The following ASAH2 variants were observed in gnomAD, a reference collection of about 807,000 sequenced individuals.
ASAH2 encodes the protein neutral ceramidase.
Under a neutral mutation model 82.9 loss-of-function variants are expected in ASAH2, and 58 were observed. That is an observed-to-expected ratio of 0.70 (90% confidence interval 0.57 to 0.87). The LOEUF is 0.87. Among genes scored for constraint, ASAH2 ranks in the 40% least tolerant of loss-of-function variants. ASAH2 has a pLI of 0.00. For missense variants in ASAH2, 779 were observed against 834.0 expected, an observed-to-expected ratio of 0.93 and a Z score of 0.81; for synonymous variants, 276 against 289.7, an observed-to-expected ratio of 0.95 and a Z score of 0.48.
chr10:50,237,773 T>A (rs1291659224), intron 4 of ASAH2, among the ~76,000 whole-genome samples: 1 of 152,216 alleles, frequency 6.6e-6, no homozygotes, highest in African/African-American at 2.4e-5. Context: ...GGTATCATTG[T>A]GTCTTTTTTG....
chr10:50,218,718 G>A (rs1446044614), intron 7 of ASAH2, 88 bp from the exon 8 acceptor site: 1 of 1,485,556 alleles, frequency 6.7e-7, no homozygotes, highest in Non-Finnish European at 9.4e-7. Flanking sequence ...GTTTTCTCCA[G>A]CAGGAAAAAA....
rs1170862527 is a variant in ASAH2, at chr10:50,201,675, A to T, written c.1761+1154T>A. On this transcript the variant is annotated intron_variant, in intron 16 of 20. Coordinates refer to ENST00000682911, the MANE Select transcript of ASAH2 (RefSeq NM_019893.4). Reference sequence around the variant, plus strand: ...TCCTTTGGCAGCATGTTGAGACCTAAGGACCTCCCTCAGAATAATGTTTCT... The same window carrying T: ...TCCTTTGGCAGCATGTTGAGACCTATGGACCTCCCTCAGAATAATGTTTCT... Among the ~76,000 whole-genome samples the T allele has an allele frequency of 8.5e-5, 13 of 152,252 alleles. No homozygotes were observed. In the East Asian group the frequency reaches 2.5e-3, roughly 29 times the overall value.
Position 50,204,627 on chromosome 10 carries a change from TA to T in ASAH2, c.1625+233del, listed in dbSNP as rs1250874640. ...CTCATGGCATCATTTTAATTTGGGA[TA>T]AGTTTTTTTTAATTTTCATGTCTGC... On this transcript the variant is annotated intron_variant, in intron 14 of 20. Transcript: ENST00000682911. Among the ~76,000 whole-genome samples the T allele has an allele frequency of 6.7e-3, 1,022 of 152,104 alleles. 13 individuals carry two copies. Among genetic ancestry groups the T allele is most frequent in the African/African-American group, 0.023 (973 of 41,534 alleles).
intron 18 of ASAH2, among the ~76,000 whole-genome samples, chr10:50,194,985 G>GTT (rs1413556011): frequency 1.4e-5 from 2 of 142,522 alleles, no homozygotes; most frequent in Admixed American, 7.1e-5. Flanking sequence ...TGTAGGCGAT[G>GTT]TTTTTTTTTT....
chr10:50,214,983 C>T, intron 8 of ASAH2, 115 bp from the exon 9 acceptor site: 1 of 1,316,532 alleles, frequency 7.6e-7, no homozygotes, highest in Non-Finnish European at 1.1e-6. Flanking sequence ...CATTTGCAGG[C>T]AATAAAAAGA....
Position 50,248,650 on chromosome 10 carries a change from A to C in ASAH2, c.-36-4T>G. Reference sequence around the variant, plus strand: ...AGCAGAGATGGAAGAAGAAATACTGAAGAGGAAGAAATCACAAATTAAAAT... The same window carrying C: ...AGCAGAGATGGAAGAAGAAATACTGCAGAGGAAGAAATCACAAATTAAAAT... On this transcript the variant is annotated splice_polypyrimidine_tract_variant and splice_region_variant and intron_variant, in intron 1 of 20. Transcript: ENST00000682911. 4 of 1,589,228 alleles carry C rather than the reference A, an allele frequency of 2.5e-6. No homozygotes were observed. Among genetic ancestry groups the C allele is most frequent in the Non-Finnish European group, 3.4e-6 (4 of 1,166,690 alleles).
Position 50,248,676 on chromosome 10 carries a change from G to T in ASAH2, c.-36-30C>A. Reference sequence around the variant, plus strand: ...AGAGGAAGAAATCACAAATTAAAATGCAAATGCTTTAAGCCAACCGAGGTT... The same window carrying T: ...AGAGGAAGAAATCACAAATTAAAATTCAAATGCTTTAAGCCAACCGAGGTT... On this transcript the variant is annotated intron_variant, in intron 1 of 20. Transcript: ENST00000682911. 5 of 1,533,132 alleles carry T rather than the reference G, an allele frequency of 3.3e-6. No homozygotes were observed. In the South Asian group the frequency reaches 4.8e-5, roughly 15 times the overall value. The allele number at this position is 1,533,132 out of a possible 1,614,324, so 95.0% of individuals were successfully genotyped here. A position where few individuals can be genotyped will look rare whatever the true frequency, so the allele number is the denominator to read the frequency against.
intron 7 of ASAH2, among the ~76,000 whole-genome samples, chr10:50,225,689 G>A (rs1845864305): frequency 6.6e-6 from 1 of 152,118 alleles, no homozygotes; most frequent in Non-Finnish European, 1.5e-5. Context: ...GGGGTGTTGG[G>A]CAATTTATAG....
At chr10:50,213,164 C>G (rs1845506567) in intron 9 of ASAH2, 106 bp from the exon 10 acceptor site, 1 of 1,041,740 alleles carries the variant, frequency 9.6e-7, no homozygotes, top group African/African-American at 1.6e-5. Flanking sequence ...AAACCACATT[C>G]TTGCATTTCT....
intron 12 of ASAH2, among the ~76,000 whole-genome samples, chr10:50,210,361 G>A (rs1033107036): frequency 0.033 from 5,010 of 152,116 alleles, 152 homozygotes; most frequent in Middle Eastern, 0.13. Context: ...TTAGCCAAGC[G>A]TGGTGGCAGG....
Position 50,210,809 on chromosome 10 carries a change from G to T in ASAH2, c.1414+14C>A. On this transcript the variant is annotated intron_variant, in intron 12 of 20. Transcript: ENST00000682911. The stretch of plus-strand genomic sequence containing the variant: ...AGAAGCTGAAACCATAGATTTTACT[G>T]GACTTCACCTTACCCTGTGTAAAAT... 6.3e-7 allele frequency: 1 copy of T among 1,593,588 alleles called. No individual in the cohort carries two copies. The highest frequency in any genetic ancestry group is 8.6e-7 in the Non-Finnish European group (1 of 1,161,300).
intron 12 of ASAH2, among the ~76,000 whole-genome samples, chr10:50,207,375 T>C (rs2133204095): frequency 6.6e-6 from 1 of 151,800 alleles, no homozygotes; most frequent in African/African-American, 2.4e-5. Context: ...GAAAAATCAA[T>C]GAAACCAAAA....
chr10:50,218,767 C>T (rs1206214343), intron 7 of ASAH2, 137 bp from the exon 8 acceptor site: 3 of 973,866 alleles, frequency 3.1e-6, no homozygotes, highest in Admixed American at 2.2e-5. Flanking sequence ...TACATTCTTT[C>T]ATTGTTCATG....
intron 15 of ASAH2, 145 bp from the exon 16 acceptor site, chr10:50,203,069 T>C: frequency 1.5e-6 from 1 of 659,252 alleles, no homozygotes. Flanking sequence ...TGCACTACAG[T>C]TGGACAAGTC....
chr10:50,233,244 T>G lies in ASAH2; in HGVS notation c.833A>C (p.Asp278Ala). 2 of 1,611,374 alleles carry G rather than the reference T, an allele frequency of 1.2e-6. No homozygotes were observed. Among genetic ancestry groups the G allele is most frequent in the Non-Finnish European group, 1.7e-6 (2 of 1,177,734 alleles). Residue 278 changes from aspartate (D) to alanine (A), a missense_variant, in exon 7 of 21, where the codon GAC becomes GCC. By Grantham distance (126) the Asp-to-Ala change is moderately radical. Transcript: ENST00000682911. The part of the protein sequence containing the change: ...SERARYSSNT[D>A]KEMIVLKMVD... ...CATTTTCAAAACTATCATTTCCTTGTCTGTATTTGAAGAATACCTAGTCAG... is the reference window on the plus strand; with the variant it reads ...CATTTTCAAAACTATCATTTCCTTGGCTGTATTTGAAGAATACCTAGTCAG...
intron 15 of ASAH2, 74 bp from the exon 16 acceptor site, chr10:50,202,998 A>G: frequency 9.8e-7 from 1 of 1,020,848 alleles, no homozygotes; most frequent in South Asian, 1.3e-5. Flanking sequence ...TATCCTTAAC[A>G]CACAAGCATT....
intron 4 of ASAH2, among the ~76,000 whole-genome samples, chr10:50,241,466 T>G (rs1046284283): frequency 6.6e-6 from 1 of 152,164 alleles, no homozygotes; most frequent in African/African-American, 2.4e-5. Context: ...TTTAGTTGTG[T>G]GTCCCCTGAA....
chr10:50,230,907 G>A (rs1011735022), intron 7 of ASAH2, among the ~76,000 whole-genome samples: 3 of 151,804 alleles, frequency 2.0e-5, no homozygotes, highest in African/African-American at 4.8e-5. Context: ...CAGGTGTGGT[G>A]GTGAGCACCT....
chr10:50,233,611 C>T (rs2133224593), intron 6 of ASAH2, among the ~76,000 whole-genome samples: 1 of 152,124 alleles, frequency 6.6e-6, no homozygotes, highest in Admixed American at 6.6e-5. Context: ...TTTAAAAGAG[C>T]AGGGAATTTG....
Sources: gnomAD v4.1 joint callset for allele counts (sites outside exome capture counted in the v4.1 genomes callset) on GRCh38, gnomAD v4.1.1 for gene constraint, MANE v1.5 for transcripts, NCBI Gene and HGNC (gene_info 2026-07-23, HGNC 2026-07-21) for gene names.